RGS21: variants seen among roughly 807,000 people sequenced by gnomAD.
The protein encoded by RGS21 is regulator of G protein signaling 21, also known as regulator of G-protein signalling 21.
A neutral mutation model predicts 18.7 loss-of-function variants in RGS21; 19 were observed. That is an observed-to-expected ratio of 1.01 (90% CI 0.71 to 1.49). RGS21 has a LOEUF of 1.49. Among genes scored for constraint, RGS21 ranks in the 40% most tolerant of loss-of-function variants. The probability of loss-of-function intolerance (pLI) is 0.00; values close to 1 mark genes in which losing one functional copy is unlikely to be tolerated. For synonymous variants in RGS21, 56 were observed against 57.8 expected (o/e 0.97, Z 0.14); for missense variants, 194 against 176.8 (o/e 1.10, Z -0.55).
chr1:192,356,889 T>G (rs143685178), intron 4 of RGS21, among the ~76,000 whole-genome samples: 2 of 151,958 alleles, frequency 1.3e-5, no homozygotes, highest in East Asian at 1.9e-4. Flanking sequence ...ATGTGCTTGC[T>G]TATTTGTTAA....
intron 4 of RGS21, among the ~76,000 whole-genome samples, chr1:192,356,350 T>G (rs1027359321): frequency 6.6e-6 from 1 of 151,764 alleles, no homozygotes; most frequent in African/African-American, 2.4e-5. Context: ...AACACGTAAG[T>G]ATAACACAAT....
intron 1 of RGS21, among the ~76,000 whole-genome samples, chr1:192,336,033 C>T (rs12566011): frequency 0.34 from 51,063 of 151,994 alleles, 9,948 homozygotes; most frequent in African/African-American, 0.53. Context: ...TAACAACTTG[C>T]GTAATGCTCT....
At chr1:192,319,535 C>A (rs975613730) in intron 1 of RGS21, among the ~76,000 whole-genome samples, 1 of 152,014 alleles carries the variant, frequency 6.6e-6, no homozygotes, top group Non-Finnish European at 1.5e-5. Flanking sequence ...AATCAAGCAA[C>A]CTTACCTCCA....
chr1:192,364,365 T>C (rs751328194), intron 4 of RGS21, among the ~76,000 whole-genome samples: 18 of 152,166 alleles, frequency 1.2e-4, no homozygotes, highest in Non-Finnish European at 2.2e-4. Context: ...GAGCAAATAG[T>C]GGCCTTTTGA....
intron 1 of RGS21, among the ~76,000 whole-genome samples, chr1:192,328,255 G>T (rs1203455241): frequency 6.6e-6 from 1 of 152,110 alleles, no homozygotes; most frequent in African/African-American, 2.4e-5. Flanking sequence ...AAGACTATTA[G>T]AATTAATACT....
rs74652395 is a variant in RGS21 at position 192,345,303 on chromosome 1, GT to G, written c.12-2006del. Reference sequence around the variant, plus strand: ...ATGAGGTCCATGATGATTCAGTGACGTTTTCACATTATTTTTCATCTTCTCT... The same window carrying G: ...ATGAGGTCCATGATGATTCAGTGACGTTTCACATTATTTTTCATCTTCTCT... On this transcript the variant is annotated intron_variant, in intron 2 of 4. Transcript: ENST00000417209. Among the ~76,000 whole-genome samples the G allele has an allele frequency of 1.2e-3, 180 of 152,092 alleles. 1 individual carries two copies. The Middle Eastern group carries it at 0.024, about 20-fold the overall frequency.
chr1:192,321,213 T>C (rs1249795726), intron 1 of RGS21, among the ~76,000 whole-genome samples: 1 of 151,990 alleles, frequency 6.6e-6, no homozygotes, highest in Non-Finnish European at 1.5e-5. Flanking sequence ...CCCCATTTTT[T>C]CTAGTAAGCA....
At position 192,366,077 on chromosome 1, in the gene RGS21, A is replaced by G. The variant is rs1278371183; in HGVS notation, c.412A>G (p.Asn138Asp). The G allele has an allele frequency of 1.2e-6, 2 of 1,611,878 alleles. No homozygotes were observed. The highest frequency in any genetic ancestry group is 3.3e-5 in the Admixed American group (2 of 59,812). ...GTCAGAGATTTATAAAAAACTGGTA[A>G]ATAGCCAACAGGTTCCAAATCATAA... ...LKSEIYKKLV[N>D]SQQVPNHKKW... The change falls in exon 5 of 5, where the codon AAT becomes GAT. Residue 138 changes from asparagine (N) to aspartate (D), a missense_variant. Asn to Asp is a conservative substitution (Grantham distance 23). Transcript: ENST00000417209.
At chr1:192,360,065 T>C (rs1347517898) in intron 4 of RGS21, among the ~76,000 whole-genome samples, 3 of 151,980 alleles carry the variant, frequency 2.0e-5, no homozygotes. Flanking sequence ...CAAAATGTAT[T>C]ATAATGAGAA....
At position 192,366,777 on chromosome 1, in the gene RGS21, C is replaced by T. The variant is rs755866303; in HGVS notation, c.*653C>T. 1.3e-5 allele frequency: 2 copies of T among 151,850 alleles called. No individual in the cohort carries two copies. Among genetic ancestry groups the T allele is most frequent in the East Asian group, 1.9e-4 (1 of 5,178 alleles). 9.4% of individuals were successfully genotyped at this position (151,850 alleles called of 1,614,324 possible). ...TGATGAGTTATGTATGAAAAGGCCTCAAGGGTGGGGAATACTGATTTTCTT... is the reference window on the plus strand; with the variant it reads ...TGATGAGTTATGTATGAAAAGGCCTTAAGGGTGGGGAATACTGATTTTCTT... On this transcript the variant is annotated 3_prime_UTR_variant, in exon 5 of 5. Coordinates refer to ENST00000417209, the MANE Select transcript of RGS21 (RefSeq NM_001039152.3).
intron 3 of RGS21, among the ~76,000 whole-genome samples, chr1:192,349,083 C>G (rs1450954132): frequency 6.6e-6 from 1 of 152,056 alleles, no homozygotes; most frequent in Non-Finnish European, 1.5e-5. Context: ...GGTGTATTTC[C>G]TTTCTCCTTA....
At chr1:192,361,180 T>C (rs192897935) in intron 4 of RGS21, among the ~76,000 whole-genome samples, 217 of 152,056 alleles carry the variant, frequency 1.4e-3, no homozygotes, top group African/African-American at 5.0e-3. Context: ...TAAAATAACA[T>C]ATTATTTACA....
intron 1 of RGS21, among the ~76,000 whole-genome samples, chr1:192,329,689 A>C (rs1217987486): frequency 6.6e-6 from 1 of 152,136 alleles, no homozygotes; most frequent in Non-Finnish European, 1.5e-5. Flanking sequence ...CTGTAGTCAA[A>C]TCTTTGTGCT....
chr1:192,347,268 A>G (rs1658963710), intron 2 of RGS21, 45 bp from the exon 3 acceptor site: 2 of 1,132,082 alleles, frequency 1.8e-6, no homozygotes, highest in Non-Finnish European at 2.7e-6. Context: ...GAATATTACT[A>G]TTGGTTAAAG....
chr1:192,346,226 G>A (rs1658942389), intron 2 of RGS21, among the ~76,000 whole-genome samples: 1 of 151,988 alleles, frequency 6.6e-6, no homozygotes, highest in African/African-American at 2.4e-5. Context: ...AACTACAACT[G>A]CATCAGTAGA....
intron 4 of RGS21, among the ~76,000 whole-genome samples, chr1:192,360,078 G>A (rs1377165976): frequency 6.6e-6 from 1 of 151,846 alleles, no homozygotes; most frequent in East Asian, 1.9e-4. Context: ...AATGAGAAGA[G>A]ACACTCCTCA....
chr1:192,323,624 G>C (rs1658525996), intron 1 of RGS21, among the ~76,000 whole-genome samples: 1 of 152,052 alleles, frequency 6.6e-6, no homozygotes, highest in Non-Finnish European at 1.5e-5. Flanking sequence ...TGTGGATAGA[G>C]GGCAAAGATG....
At chr1:192,347,512 C>T (rs1254897970) in intron 3 of RGS21, 123 bp downstream of exon 3, 1 of 537,492 alleles carries the variant, frequency 1.9e-6, no homozygotes, top group East Asian at 3.1e-5. Context: ...TATTAATAAT[C>T]ATAAATTCAT....
Position 192,366,304 on chromosome 1 carries a change from C to T in RGS21, c.*180C>T, listed in dbSNP as rs1659259568. ...AACTCAGTTGTTTAGAATGTATTTG[C>T]TTTACCAGCTATTTAATCTCCTACT... On this transcript the variant is annotated 3_prime_UTR_variant, in exon 5 of 5. Transcript: ENST00000417209. 3.7e-6 allele frequency: 2 copies of T among 538,836 alleles called. No homozygotes were observed. Among genetic ancestry groups the T allele is most frequent in the Non-Finnish European group, 6.5e-6 (2 of 307,378 alleles). 33.4% of individuals were successfully genotyped at this position (538,836 alleles called of 1,614,324 possible). A position where few individuals can be genotyped will look rare whatever the true frequency, so the allele number is the denominator to read the frequency against.
Sources: allele counts gnomAD v4.1 joint callset (sites outside exome capture counted in the v4.1 genomes callset), GRCh38; gene constraint gnomAD v4.1.1; transcripts MANE v1.5; gene names NCBI Gene and HGNC (gene_info 2026-07-23, HGNC 2026-07-21).